Variants in ABAT observed in about 807,000 individuals in gnomAD.
The protein encoded by ABAT is 4-aminobutyrate aminotransferase, mitochondrial.
ABAT carries 45 observed loss-of-function variants against 64.6 expected under a neutral mutation model. The ratio of observed to expected loss-of-function variants is 0.70; its 90% CI spans 0.55 to 0.89. The LOEUF (loss-of-function observed/expected upper bound fraction) is 0.89. Ranked by LOEUF, ABAT falls within the 40% of genes least tolerant of loss-of-function variation. ABAT has a pLI of 0.00. For missense variants in ABAT, 633 were observed against 658.4 expected (o/e 0.96, Z 0.42); for synonymous variants, 297 against 250.5 (o/e 1.19, Z -1.75).
intron 1 of ABAT, among the ~76,000 whole-genome samples, chr16:8,687,872 G>A (rs1368751140): frequency 6.6e-6 from 1 of 151,902 alleles, no homozygotes; most frequent in Admixed American, 6.6e-5. Flanking sequence ...TTGTTAAATT[G>A]GAAAACTGGA....
chr16:8,710,481 T>C (rs1279614872), intron 1 of ABAT, among the ~76,000 whole-genome samples: 1 of 152,000 alleles, frequency 6.6e-6, no homozygotes, highest in Non-Finnish European at 1.5e-5. Flanking sequence ...CTCACACCTT[T>C]AATCTCAGCA....
chr16:8,748,212 G>C, intron 4 of ABAT, 75 bp downstream of exon 4: 5 of 1,369,648 alleles, frequency 3.7e-6, no homozygotes, highest in Non-Finnish European at 5.1e-6. Flanking sequence ...TGCTTAATCT[G>C]TTCTGGCTCT....
chr16:8,735,011 C>G (rs2058871566), intron 1 of ABAT, among the ~76,000 whole-genome samples: 1 of 147,506 alleles, frequency 6.8e-6, no homozygotes, highest in Non-Finnish European at 1.5e-5. Flanking sequence ...AGTTCAAGAC[C>G]AAACTAGCCA....
intron 1 of ABAT, among the ~76,000 whole-genome samples, chr16:8,724,125 G>T (rs1341909944): frequency 6.6e-6 from 1 of 151,802 alleles, no homozygotes; most frequent in East Asian, 1.9e-4. Flanking sequence ...CCAAGTGTGA[G>T]CCACTGCGCC....
At chr16:8,774,780 A>G in intron 12 of ABAT, 110 bp from the exon 13 acceptor site, 1 of 1,359,230 alleles carries the variant, frequency 7.4e-7, no homozygotes, top group Non-Finnish European at 1.0e-6. Context: ...TTCAGAAAAC[A>G]AGCACGATGT....
At chr16:8,725,054 T>C (rs1378370077) in intron 1 of ABAT, among the ~76,000 whole-genome samples, 1 of 151,924 alleles carries the variant, frequency 6.6e-6, no homozygotes. Flanking sequence ...GTAGCTGGGA[T>C]TACAGGCGCC....
chr16:8,774,795 G>A, intron 12 of ABAT, 95 bp from the exon 13 acceptor site: 2 of 1,475,446 alleles, frequency 1.4e-6, no homozygotes, highest in African/African-American at 1.4e-5. Context: ...CGATGTGTGT[G>A]GACCCAGGGT....
At chr16:8,726,482 G>GCCTCAGGT (rs1567288102) in intron 1 of ABAT, among the ~76,000 whole-genome samples, 3 of 151,572 alleles carry the variant, frequency 2.0e-5, no homozygotes, top group Admixed American at 6.6e-5. Context: ...TGGCCTCATG[G>GCCTCAGGT]GATCCACCTG....
At chr16:8,769,048 G>A in intron 11 of ABAT, 75 bp downstream of exon 11, 2 of 1,598,278 alleles carry the variant, frequency 1.3e-6, no homozygotes, top group South Asian at 1.1e-5. Flanking sequence ...TTGGGGAGAA[G>A]AGAAACAGAT....
At chr16:8,682,833 A>G (rs899298294) in intron 1 of ABAT, among the ~76,000 whole-genome samples, 8 of 152,206 alleles carry the variant, frequency 5.3e-5, no homozygotes, top group Admixed American at 3.3e-4. Flanking sequence ...GGAGCTAGCT[A>G]GAAATGCAGA....
chr16:8,725,718 C>T (rs1241601969), intron 1 of ABAT, among the ~76,000 whole-genome samples: 1 of 152,144 alleles, frequency 6.6e-6, no homozygotes, highest in African/African-American at 2.4e-5. Context: ...TGGGTTGATG[C>T]AAAGGTCATT....
At chr16:8,701,983 C>G (rs1405289728) in intron 1 of ABAT, among the ~76,000 whole-genome samples, 1 of 151,770 alleles carries the variant, frequency 6.6e-6, no homozygotes, top group African/African-American at 2.4e-5. Context: ...GGGGGTCCTG[C>G]AGGCCTCCTG....
chr16:8,688,276 G>T (rs75986260), intron 1 of ABAT, among the ~76,000 whole-genome samples: 1,741 of 152,252 alleles, frequency 0.011, 11 homozygotes, highest in Non-Finnish European at 0.018. Flanking sequence ...TTAGTAAGGT[G>T]GGAAAGGTCT....
chr16:8,768,135 C>T, intron 9 of ABAT, 58 bp from the exon 10 acceptor site: 1 of 1,557,714 alleles, frequency 6.4e-7, no homozygotes, highest in East Asian at 2.2e-5. Context: ...GCAGGGGCAA[C>T]AATACAGTTC....
At chr16:8,683,964 CAGAGAG>C (rs35163930) in intron 1 of ABAT, among the ~76,000 whole-genome samples, 6 of 150,212 alleles carry the variant, frequency 4.0e-5, no homozygotes, top group African/African-American at 1.5e-4. Flanking sequence ...GTGAGAGAGA[CAGAGAG>C]AGAGAGAGAG....
At chr16:8,713,894 G>C (rs1414570722) in intron 1 of ABAT, 15 of 456,112 alleles carry the variant, frequency 3.3e-5, no homozygotes, top group Middle Eastern at 6.5e-4. Context: ...GTGTGTCTCT[G>C]TGTGCATCCT....
chr16:8,772,867 A>C lies in ABAT; in HGVS notation c.904A>C (p.Asn302His). The C allele has an allele frequency of 1.2e-6, 2 of 1,614,048 alleles. No individual in the cohort carries two copies. The highest frequency in any genetic ancestry group is 2.7e-5 in the African/African-American group (2 of 75,020). The change falls in exon 12 of 16, where the codon AAC becomes CAC. Residue 302 changes from asparagine (N) to histidine (H), a missense_variant. Physicochemically the swap from Asn to His is moderately conservative, Grantham distance 68 (BLOSUM62 1). Coordinates refer to ENST00000268251, the MANE Select transcript of ABAT (RefSeq NM_020686.6). ...VEPIQSEGGD[N>H]HASDDFFRKL... ...GCCCATCCAGTCCGAGGGTGGAGAC[A>C]ACCACGCATCCGATGACTTCTTTCG...
intron 1 of ABAT, among the ~76,000 whole-genome samples, chr16:8,681,867 T>C (rs368260150): frequency 6.6e-6 from 1 of 151,216 alleles, no homozygotes; most frequent in Non-Finnish European, 1.5e-5. Flanking sequence ...GTCTTGAACT[T>C]GTGACCTCAG....
intron 1 of ABAT, among the ~76,000 whole-genome samples, chr16:8,686,105 C>A (rs1004967878): frequency 2.6e-5 from 4 of 152,158 alleles, no homozygotes; most frequent in African/African-American, 9.7e-5. Context: ...AAGGCACCAC[C>A]CCGGCAGGAC....
Sources: allele counts gnomAD v4.1 joint callset (sites outside exome capture counted in the v4.1 genomes callset), GRCh38; gene constraint gnomAD v4.1.1; transcripts MANE v1.5; gene names NCBI Gene and HGNC (gene_info 2026-07-23, HGNC 2026-07-21).